Variants in PPM1E observed in about 807,000 individuals in gnomAD.
PPM1E encodes protein phosphatase 1E.
Under a neutral mutation model 65.9 loss-of-function variants are expected in PPM1E, and 20 were observed. The observed-to-expected ratio is 0.30, with a 90% confidence interval of 0.21 to 0.44. PPM1E has a LOEUF of 0.44. Among genes scored for constraint, PPM1E ranks in the 20% least tolerant of loss-of-function variants. The pLI, the probability that PPM1E is intolerant of heterozygous loss-of-function variation, is 1.00. For missense variants in PPM1E, 713 were observed against 953.1 expected (o/e 0.75, Z 3.32); for synonymous variants, 352 against 374.9 (o/e 0.94, Z 0.70).
intron 1 of PPM1E, among the ~76,000 whole-genome samples, chr17:58,829,010 G>A (rs1163524049): frequency 6.6e-6 from 1 of 151,906 alleles, no homozygotes; most frequent in Non-Finnish European, 1.5e-5. Flanking sequence ...GTTTACAACT[G>A]AGCCACTATA....
chr17:58,877,858 A>G (rs1463755587), intron 1 of PPM1E, among the ~76,000 whole-genome samples: 2 of 152,216 alleles, frequency 1.3e-5, no homozygotes, highest in South Asian at 2.1e-4. Flanking sequence ...AAATGGAACA[A>G]TGAGAGAAAT....
chr17:58,861,415 G>A (rs1385532933), intron 1 of PPM1E, among the ~76,000 whole-genome samples: 1 of 152,192 alleles, frequency 6.6e-6, no homozygotes, highest in Non-Finnish European at 1.5e-5. Context: ...TGGGAAAGCT[G>A]ACTACCTCAG....
At chr17:58,786,271 C>G (rs1393276102) in intron 1 of PPM1E, among the ~76,000 whole-genome samples, 1 of 152,152 alleles carries the variant, frequency 6.6e-6, no homozygotes, top group African/African-American at 2.4e-5. Flanking sequence ...GCCTCGGCCT[C>G]CCAAAGTGCT....
At chr17:58,967,500 A>G (rs1049468655) in intron 3 of PPM1E, among the ~76,000 whole-genome samples, 1 of 150,042 alleles carries the variant, frequency 6.7e-6, no homozygotes, top group African/African-American at 2.5e-5. Context: ...ATTTATATAT[A>G]TGTGTATATA....
chr17:58,922,154 G>A (rs1056385020), intron 1 of PPM1E, among the ~76,000 whole-genome samples: 3 of 150,690 alleles, frequency 2.0e-5, no homozygotes, highest in Non-Finnish European at 4.4e-5. Context: ...TTTTCAATGA[G>A]GAGAGGGAGG....
intron 1 of PPM1E, among the ~76,000 whole-genome samples, chr17:58,881,277 G>T (rs917994961): frequency 6.6e-6 from 1 of 152,084 alleles, no homozygotes; most frequent in Non-Finnish European, 1.5e-5. Flanking sequence ...CCCTGTAATC[G>T]CAGCACTTTG....
At chr17:58,910,082 T>C (rs896677736) in intron 1 of PPM1E, among the ~76,000 whole-genome samples, 2 of 152,024 alleles carry the variant, frequency 1.3e-5, no homozygotes, top group African/African-American at 4.8e-5. Flanking sequence ...TTTGTATTTT[T>C]GGTAGAGAAG....
chr17:58,969,423 T>G (rs1387540581), intron 3 of PPM1E, 116 bp from the exon 4 acceptor site: 8 of 982,036 alleles, frequency 8.1e-6, no homozygotes, highest in Non-Finnish European at 1.3e-5. Context: ...GTCTCATTAT[T>G]CTGAATGACA....
At chr17:58,807,391 A>T (rs1409100480) in intron 1 of PPM1E, among the ~76,000 whole-genome samples, 2 of 152,156 alleles carry the variant, frequency 1.3e-5, no homozygotes, top group African/African-American at 2.4e-5. Flanking sequence ...TATAATATTT[A>T]GTTGCTTAAT....
chr17:58,881,092 T>C (rs993752504), intron 1 of PPM1E, among the ~76,000 whole-genome samples: 2 of 152,196 alleles, frequency 1.3e-5, no homozygotes, highest in Admixed American at 1.3e-4. Context: ...TAATTAAGGA[T>C]AATATTCACT....
chr17:58,905,426 A>C (rs908581413), intron 1 of PPM1E, among the ~76,000 whole-genome samples: 2 of 152,018 alleles, frequency 1.3e-5, no homozygotes, highest in African/African-American at 4.8e-5. Flanking sequence ...TGCGTGTTGA[A>C]TTTTATCAAG....
intron 1 of PPM1E, among the ~76,000 whole-genome samples, chr17:58,833,224 A>G (rs1173295608): frequency 6.6e-6 from 1 of 151,600 alleles, no homozygotes; most frequent in Non-Finnish European, 1.5e-5. Flanking sequence ...AGAAACTCCC[A>G]TGTGCTAGCC....
chr17:58,908,396 A>G (rs1029444988), intron 1 of PPM1E, among the ~76,000 whole-genome samples: 2 of 145,476 alleles, frequency 1.4e-5, no homozygotes, highest in East Asian at 4.2e-4. Flanking sequence ...TTAATATTTT[A>G]TGCTTCAGTT....
chr17:58,951,860 C>T (rs561776123), intron 1 of PPM1E, among the ~76,000 whole-genome samples: 17 of 152,170 alleles, frequency 1.1e-4, no homozygotes, highest in Admixed American at 2.6e-4. Flanking sequence ...ATATTCCTTA[C>T]GATTGGGGTT....
rs955222207 is a variant in PPM1E, at chr17:58,909,928, T to C, written c.465-45721T>C. Among the ~76,000 whole-genome samples the C allele has an allele frequency of 5.2e-5, 7 of 135,132 alleles. No individual in the cohort carries two copies. The East Asian group carries it at 6.1e-4, about 12-fold the overall frequency. 88.7% of individuals were successfully genotyped at this position (135,132 alleles called of 152,430 possible). ...CTTTCTTTCTTTTTTCTTTTTCTTT[T>C]TTTTTTTTTTTTTTTTGAGACTGGA... On this transcript the variant is annotated intron_variant, in intron 1 of 6. Coordinates refer to ENST00000308249, the MANE Select transcript of PPM1E (RefSeq NM_014906.5).
intron 1 of PPM1E, among the ~76,000 whole-genome samples, chr17:58,947,124 T>G (rs1157794827): frequency 1.4e-5 from 2 of 144,408 alleles, no homozygotes; most frequent in Admixed American, 7.0e-5. Flanking sequence ...TTTTTTTTTT[T>G]TTTTTTTTTT....
At chr17:58,861,837 G>C (rs964535384) in intron 1 of PPM1E, among the ~76,000 whole-genome samples, 2 of 152,138 alleles carry the variant, frequency 1.3e-5, no homozygotes, top group African/African-American at 4.8e-5. Flanking sequence ...GCTGAGGCAG[G>C]AGAATCACTT....
intron 1 of PPM1E, among the ~76,000 whole-genome samples, chr17:58,953,724 A>G (rs937839915): frequency 4.0e-5 from 6 of 150,560 alleles, no homozygotes; most frequent in African/African-American, 7.3e-5. Context: ...CACGTTGACT[A>G]GGACATCTCA....
At position 58,932,639 on chromosome 17, in the gene PPM1E, C is replaced by T. The variant is rs754286548; in HGVS notation, c.465-23010C>T. Among the ~76,000 whole-genome samples the T allele has an allele frequency of 3.6e-4, 54 of 152,094 alleles. 1 individual carries two copies. Among genetic ancestry groups the T allele is most frequent in the Non-Finnish European group, 1.6e-4 (11 of 68,022 alleles). The stretch of plus-strand genomic sequence containing the variant: ...TCCAGGATATCATTTTTATACCAGG[C>T]CTAGGCCAGGGAGTTTTCTAGAAAA... On this transcript the variant is annotated intron_variant, in intron 1 of 6. Coordinates refer to ENST00000308249, the MANE Select transcript of PPM1E (RefSeq NM_014906.5).
Sources: gnomAD v4.1 joint callset for allele counts (sites outside exome capture counted in the v4.1 genomes callset) on GRCh38, gnomAD v4.1.1 for gene constraint, MANE v1.5 for transcripts, NCBI Gene and HGNC (gene_info 2026-07-23, HGNC 2026-07-21) for gene names.